Variants in FER observed in about 807,000 individuals in gnomAD.
FER encodes tyrosine-protein kinase Fer.
In FER, 63 loss-of-function variants were observed where a neutral mutation model predicts 111.0. The observed-to-expected ratio is 0.57, with a 90% confidence interval of 0.46 to 0.70. FER has a LOEUF of 0.70. FER is among the 30% of genes least tolerant of loss of function. The pLI is 0.00. For synonymous variants in FER, 327 were observed against 313.9 expected, an observed-to-expected ratio of 1.04 and a Z score of -0.44; for missense variants, 914 against 954.0, an observed-to-expected ratio of 0.96 and a Z score of 0.55.
At chr5:109,164,920 G>A (rs923592870) in intron 17 of FER, among the ~76,000 whole-genome samples, 11 of 152,022 alleles carry the variant, frequency 7.2e-5, no homozygotes, top group South Asian at 4.1e-4. Context: ...TTATGTAGTC[G>A]TAATTGTCTC....
intron 16 of FER, chr5:109,051,641 G>A (rs562838162): frequency 8.9e-6 from 14 of 1,579,522 alleles, no homozygotes; most frequent in Non-Finnish European, 8.7e-6. Context: ...GGAGCAGTTG[G>A]TGAGGAGCAG....
Position 108,764,686 on chromosome 5 carries a change from T to C in FER, c.-205-3407T>C, listed in dbSNP as rs112397165. On this transcript the variant is annotated intron_variant, in intron 1 of 19. Transcript: ENST00000281092. ...TGCTGGGATTACAGGCATGAGCCAC[T>C]GCACCTGGCCGTGGAAACATAATTT... Among the ~76,000 whole-genome samples the C allele has an allele frequency of 3.1e-3, 469 of 152,320 alleles. 2 individuals are homozygous for C. The highest frequency in any genetic ancestry group is 0.01 in the African/African-American group (419 of 41,570).
intron 13 of FER, among the ~76,000 whole-genome samples, chr5:109,034,229 A>G (rs1770046884): frequency 6.6e-6 from 1 of 152,112 alleles, no homozygotes; most frequent in South Asian, 2.1e-4. Flanking sequence ...AGACTGGATA[A>G]TTTCTGTAGA....
chr5:109,053,834 G>A (rs1773234977), intron 16 of FER, among the ~76,000 whole-genome samples: 2 of 151,790 alleles, frequency 1.3e-5, no homozygotes, highest in South Asian at 4.2e-4. Context: ...GGGACTACAG[G>A]CACCTGTTAC....
chr5:108,871,663 A>G (rs1764611553), intron 7 of FER, among the ~76,000 whole-genome samples, 161 bp downstream of exon 7: 1 of 151,938 alleles, frequency 6.6e-6, no homozygotes, highest in Non-Finnish European at 1.5e-5. Flanking sequence ...TTCTTTGTCA[A>G]TGATGATAAC....
At position 109,188,214 on chromosome 5, in the gene FER, C is replaced by A. The variant is rs917966662; in HGVS notation, c.*639C>A. ...GCATCAGAAAACAATGCACGTAGGT[C>A]GGGCACGGTGGCTCACGCCTGTAAT... On this transcript the variant is annotated 3_prime_UTR_variant, in exon 20 of 20. Transcript: ENST00000281092. 4.7e-5 allele frequency: 7 copies of A among 147,664 alleles called. No individual in the cohort carries two copies. The highest frequency in any genetic ancestry group is 1.5e-4 in the African/African-American group (6 of 40,596). The allele number at this position is 147,664 out of a possible 1,614,324, so 9.1% of individuals were successfully genotyped here. A position where few individuals can be genotyped will look rare whatever the true frequency, so the allele number is the denominator to read the frequency against.
chr5:109,098,462 A>G (rs1469586562), intron 16 of FER, among the ~76,000 whole-genome samples: 1 of 151,760 alleles, frequency 6.6e-6, no homozygotes, highest in East Asian at 1.9e-4. Flanking sequence ...AGAAAAGATC[A>G]TTTCATTTAA....
intron 2 of FER, among the ~76,000 whole-genome samples, chr5:108,769,330 A>G (rs1169818967): frequency 6.6e-6 from 1 of 152,124 alleles, no homozygotes; most frequent in Non-Finnish European, 1.5e-5. Context: ...CATTCTCATT[A>G]GAAGGAATAT....
At chr5:109,131,421 C>T (rs776152446) in intron 17 of FER, among the ~76,000 whole-genome samples, 13 of 151,924 alleles carry the variant, frequency 8.6e-5, no homozygotes, top group African/African-American at 2.4e-5. Flanking sequence ...GATTTTTTCC[C>T]CTGTGATCTT....
intron 6 of FER, among the ~76,000 whole-genome samples, chr5:108,868,181 G>T (rs1204408969): frequency 6.6e-6 from 1 of 151,710 alleles, no homozygotes; most frequent in Non-Finnish European, 1.5e-5. Flanking sequence ...TTTTTGTTTT[G>T]TTTCCTTAGC....
chr5:109,017,935 A>G (rs35840372), intron 13 of FER, among the ~76,000 whole-genome samples: 5 of 151,836 alleles, frequency 3.3e-5, no homozygotes, highest in Admixed American at 1.3e-4. Context: ...TGGGACTTCT[A>G]TAGTAACAAA....
intron 11 of FER, among the ~76,000 whole-genome samples, chr5:108,951,685 G>T (rs1474372739): frequency 1.3e-5 from 2 of 151,920 alleles, no homozygotes. Context: ...GCTCAGTAAG[G>T]GTTTTACTTG....
At chr5:108,781,920 T>G (rs919767566) in intron 2 of FER, among the ~76,000 whole-genome samples, 3 of 101,122 alleles carry the variant, frequency 3.0e-5, no homozygotes, top group East Asian at 2.5e-4. Flanking sequence ...AGTAATAGGG[T>G]TTTTTTTTTT....
chr5:109,147,618 G>A (rs1196229657), intron 17 of FER, among the ~76,000 whole-genome samples: 1 of 151,844 alleles, frequency 6.6e-6, no homozygotes. Flanking sequence ...TAAATCCTGT[G>A]CCATAAGAAA....
chr5:108,880,609 A>G (rs1035324934), intron 8 of FER, among the ~76,000 whole-genome samples: 7 of 152,082 alleles, frequency 4.6e-5, no homozygotes, highest in African/African-American at 1.4e-4. Flanking sequence ...TGTTTTCTTT[A>G]TCTGATAGTC....
Position 109,188,911 on chromosome 5 carries a change from ATGCGCG to A in FER, c.*1340_*1345del, listed in dbSNP as rs1379538056. ...TTCACCAACACATTCACGTGTGTAC[ATGCGCG>A]TGCACACACACCACCAAGGTGCAAG... On this transcript the variant is annotated 3_prime_UTR_variant, in exon 20 of 20. Transcript: ENST00000281092. The A allele has an allele frequency of 6.7e-6, 1 of 150,044 alleles. No homozygotes were observed. Among genetic ancestry groups the A allele is most frequent in the African/African-American group, 2.5e-5 (1 of 40,754 alleles). 9.3% of individuals were successfully genotyped at this position (150,044 alleles called of 1,614,324 possible).
intron 17 of FER, among the ~76,000 whole-genome samples, chr5:109,154,598 G>A (rs1289367992): frequency 2.0e-5 from 3 of 151,872 alleles, no homozygotes; most frequent in African/African-American, 7.2e-5. Context: ...TGGAAGGAAA[G>A]AGGAATCTCG....
At chr5:109,052,832 A>G (rs1773031108) in intron 16 of FER, among the ~76,000 whole-genome samples, 1 of 152,200 alleles carries the variant, frequency 6.6e-6, no homozygotes, top group African/African-American at 2.4e-5. Flanking sequence ...TGTCTACCAC[A>G]GTAGATTTTG....
chr5:108,988,585 G>C (rs1022639653), intron 13 of FER, among the ~76,000 whole-genome samples: 1 of 152,040 alleles, frequency 6.6e-6, no homozygotes, highest in African/African-American at 2.4e-5. Flanking sequence ...GGTGTTCATA[G>C]TAGCCTTCAA....
Sources: allele counts gnomAD v4.1 joint callset (sites outside exome capture counted in the v4.1 genomes callset), GRCh38; gene constraint gnomAD v4.1.1; transcripts MANE v1.5; gene names NCBI Gene and HGNC (gene_info 2026-07-23, HGNC 2026-07-21).